The following SNX5 variants were observed in gnomAD, a reference collection of about 807,000 sequenced individuals.
SNX5 encodes sorting nexin 5.
A neutral mutation model predicts 53.9 loss-of-function variants in SNX5; 31 were observed. The ratio of observed to expected loss-of-function variants is 0.58; its 90% CI spans 0.43 to 0.78. The LOEUF is 0.78. SNX5 is among the 30% of genes least tolerant of loss of function. The pLI, the probability that SNX5 is intolerant of heterozygous loss-of-function variation, is 0.00. For synonymous variants in SNX5, 168 were observed against 171.1 expected, an observed-to-expected ratio of 0.98 and a Z score of 0.14; for missense variants, 471 against 478.8, an observed-to-expected ratio of 0.98 and a Z score of 0.15.
chr20:17,961,852 C>G (rs1242757435), intron 1 of SNX5: 1 of 985,284 alleles, frequency 1.0e-6, no homozygotes, highest in Admixed American at 6.2e-5. Flanking sequence ...AAGCCTGCCT[C>G]CTTGATCAGA....
chr20:17,949,191 C>T (rs535402967), intron 8 of SNX5, 88 bp from the exon 9 acceptor site: 2 of 1,044,952 alleles, frequency 1.9e-6, no homozygotes, highest in East Asian at 2.4e-5. Context: ...AATGGGTCAA[C>T]TCAGGAGTCC....
chr20:17,958,374 C>T (rs1282505784), intron 1 of SNX5, among the ~76,000 whole-genome samples: 1 of 152,148 alleles, frequency 6.6e-6, no homozygotes, highest in East Asian at 1.9e-4. Flanking sequence ...AAAATCTGGT[C>T]AATCAGCTAT....
chr20:17,957,789 T>C (rs777142728), intron 1 of SNX5, among the ~76,000 whole-genome samples: 2 of 150,646 alleles, frequency 1.3e-5, no homozygotes, highest in Admixed American at 6.6e-5. Context: ...GGGTGGAGAG[T>C]TCAGAGTAAA....
intron 4 of SNX5, among the ~76,000 whole-genome samples, chr20:17,953,784 G>A (rs571077467): frequency 1.3e-5 from 2 of 152,296 alleles, no homozygotes; most frequent in African/African-American, 2.4e-5. Context: ...GGGTATTAGT[G>A]TCAATGGCCT....
At chr20:17,954,156 G>T in intron 3 of SNX5, 39 bp from the exon 4 acceptor site, 1 of 1,608,836 alleles carries the variant, frequency 6.2e-7, no homozygotes, top group Non-Finnish European at 8.5e-7. Flanking sequence ...TCTTGTCCCA[G>T]CAGCGATGTT....
chr20:17,960,462 C>T (rs931697745), intron 1 of SNX5, among the ~76,000 whole-genome samples: 8 of 152,148 alleles, frequency 5.3e-5, no homozygotes, highest in Admixed American at 1.3e-4. Flanking sequence ...GGCATGGTGG[C>T]GCACATCTGT....
At chr20:17,964,293 G>A (rs143556897) in intron 1 of SNX5, among the ~76,000 whole-genome samples, 75 of 152,062 alleles carry the variant, frequency 4.9e-4, no homozygotes, top group African/African-American at 1.7e-3. Context: ...ATGCTTAGGA[G>A]TGTGCCCTTC....
At chr20:17,955,553 G>A (rs2035339156) in intron 2 of SNX5, 78 bp from the exon 3 acceptor site, 3 of 919,802 alleles carry the variant, frequency 3.3e-6, no homozygotes, top group South Asian at 1.4e-5. Context: ...TACACAGTGG[G>A]AAAATTCTGC....
intron 1 of SNX5, among the ~76,000 whole-genome samples, chr20:17,960,771 CA>C (rs571474077): frequency 0.012 from 1,115 of 92,762 alleles, 12 homozygotes; most frequent in African/African-American, 0.041. Context: ...AGCGAGTCTC[CA>C]AAAAAAAAAA....
At chr20:17,954,923 G>A (rs1355235097) in intron 3 of SNX5, among the ~76,000 whole-genome samples, 1 of 152,140 alleles carries the variant, frequency 6.6e-6, no homozygotes, top group African/African-American at 2.4e-5. Flanking sequence ...TGTTGCCCAG[G>A]CACGTCTTAA....
chr20:17,962,324 C>A, intron 1 of SNX5: 1 of 189,000 alleles, frequency 5.3e-6, no homozygotes, highest in Middle Eastern at 2.5e-3. Flanking sequence ...CCTGCCTCAG[C>A]CTCCTGAGTA....
intron 4 of SNX5, 50 bp downstream of exon 4, chr20:17,953,943 GCAC>G: frequency 6.9e-7 from 1 of 1,459,274 alleles, no homozygotes; most frequent in Non-Finnish European, 9.5e-7. Flanking sequence ...TTTGTACACA[GCAC>G]CACTTTTCTA....
At chr20:17,965,505 C>T (rs1024495294) in intron 1 of SNX5, among the ~76,000 whole-genome samples, 7 of 151,914 alleles carry the variant, frequency 4.6e-5, no homozygotes, top group Non-Finnish European at 1.0e-4. Context: ...CCCATCTCTA[C>T]CAAAAAATAC....
At chr20:17,942,576 C>T (rs527399186) in intron 12 of SNX5, 169 bp from the exon 13 acceptor site, 1 of 628,004 alleles carries the variant, frequency 1.6e-6, no homozygotes, top group Non-Finnish European at 2.9e-6. Flanking sequence ...ACCACGCATC[C>T]CCATTTCATG....
chr20:17,960,946 T>G (rs1434213260), intron 1 of SNX5, among the ~76,000 whole-genome samples: 1 of 152,184 alleles, frequency 6.6e-6, no homozygotes, highest in Non-Finnish European at 1.5e-5. Flanking sequence ...AAAGTTTCAG[T>G]TCATGATGTA....
Position 17,968,413 on chromosome 20 carries a change from G to C in SNX5, c.13C>G (p.Pro5Ala), listed in dbSNP as rs1429655738. The C allele has an allele frequency of 7.8e-7, 1 of 1,289,390 alleles. No homozygotes were observed. The highest frequency in any genetic ancestry group is 9.8e-7 in the Non-Finnish European group (1 of 1,015,260). 79.9% of individuals were successfully genotyped at this position (1,289,390 alleles called of 1,614,324 possible). The change falls in exon 1 of 13, where the codon CCC becomes GCC. Residue 5 changes from proline (P) to alanine (A), a missense_variant. Pro to Ala is a conservative substitution (Grantham distance 27, BLOSUM62 -1). Transcript: ENST00000377759. ...TCCTCCTGCTGCTGCAGCAACTCGG[G>C]AACCGCGGCCATGGCGACGCGGGAC... The part of the protein sequence containing the change: MAAV[P>A]ELLQQQEEDR...
At position 17,953,677 on chromosome 20, in the gene SNX5, G is replaced by C. The variant is rs10485573; in HGVS notation, c.389+319C>G. On this transcript the variant is annotated intron_variant, in intron 4 of 12. Transcript: ENST00000377759. ...GAAAGAAAAGCTTTGTACATTATGA[G>C]CAATTTATAAAGGCACAAAAGTTTA... 4.7e-3 allele frequency among the ~76,000 whole-genome samples: 722 copies of C among 152,266 alleles called. 22 individuals carry two copies. The East Asian group carries it at 0.074, about 16-fold the overall frequency.
chr20:17,964,994 G>C (rs1036557869), intron 1 of SNX5, among the ~76,000 whole-genome samples: 2 of 152,092 alleles, frequency 1.3e-5, no homozygotes, highest in Admixed American at 1.3e-4. Context: ...AGTATTAGTG[G>C]AAAAGCTTTA....
At chr20:17,955,551 G>A in intron 2 of SNX5, 76 bp from the exon 3 acceptor site, 2 of 954,980 alleles carry the variant, frequency 2.1e-6, no homozygotes, top group South Asian at 1.4e-5. Context: ...GCTACACAGT[G>A]GGAAAATTCT....
Sources: allele counts gnomAD v4.1 joint callset (sites outside exome capture counted in the v4.1 genomes callset), GRCh38; gene constraint gnomAD v4.1.1; transcripts MANE v1.5; gene names NCBI Gene and HGNC (gene_info 2026-07-23, HGNC 2026-07-21).